The following ZMIZ1 variants were observed in gnomAD, a reference collection of about 807,000 sequenced individuals.
ZMIZ1 encodes the protein zinc finger MIZ domain-containing protein 1.
ZMIZ1 carries 17 observed loss-of-function variants against 113.9 expected under a neutral mutation model. That is an observed-to-expected ratio of 0.15 (90% CI 0.10 to 0.22). ZMIZ1 has a LOEUF of 0.22. Among genes scored for constraint, ZMIZ1 ranks in the 10% least tolerant of loss-of-function variants. The probability of loss-of-function intolerance (pLI) is 1.00; values close to 1 mark genes in which losing one functional copy is unlikely to be tolerated. For missense variants in ZMIZ1, 1,059 were observed against 1,477.8 expected (o/e 0.72, Z 4.65); for synonymous variants, 607 against 603.1 (o/e 1.01, Z -0.09).
intron 3 of ZMIZ1, among the ~76,000 whole-genome samples, chr10:79,150,238 C>T (rs758214952): frequency 6.6e-6 from 1 of 152,220 alleles, no homozygotes; most frequent in African/African-American, 2.4e-5. Context: ...AAGCCCTGCC[C>T]AGACACCACC....
At chr10:79,109,578 T>C (rs907788298) in intron 1 of ZMIZ1, among the ~76,000 whole-genome samples, 9 of 152,160 alleles carry the variant, frequency 5.9e-5, no homozygotes, top group Non-Finnish European at 1.3e-4. Flanking sequence ...TGGTGCCCAC[T>C]CCCAGGCCCC....
Position 79,216,226 on chromosome 10 carries a change from C to T in ZMIZ1, c.232C>T (p.Leu78=). 1 of 1,579,408 alleles carries T rather than the reference C, an allele frequency of 6.3e-7. No individual in the cohort carries two copies. The highest frequency in any genetic ancestry group is 8.6e-7 in the Non-Finnish European group (1 of 1,162,184). The part of the protein sequence containing the change: ...GFDLDLGYRL[L]AVCAANRDKF... ...TGACCTGGACCTCGGCTACAGACTG[C>T]TGGCTGTGTGTGCTGCAAACCGAGA... Residue 78 remains leucine (L), a synonymous_variant, in exon 7 of 25, where the codon CTG becomes TTG. Transcript: ENST00000334512.
chr10:79,249,119 G>A (rs1042462622), intron 7 of ZMIZ1, among the ~76,000 whole-genome samples: 2 of 152,228 alleles, frequency 1.3e-5, no homozygotes, highest in African/African-American at 4.8e-5. Flanking sequence ...GAAGGAAAAA[G>A]GAAGCCCAAG....
intron 7 of ZMIZ1, among the ~76,000 whole-genome samples, chr10:79,258,684 G>A (rs1851069790): frequency 6.6e-6 from 1 of 152,216 alleles, no homozygotes; most frequent in African/African-American, 2.4e-5. Context: ...ATAGCTTTCA[G>A]CACCAACATT....
intron 6 of ZMIZ1, among the ~76,000 whole-genome samples, chr10:79,215,302 C>CT (rs57758020): frequency 0.072 from 10,147 of 140,010 alleles, 1,049 homozygotes; most frequent in African/African-American, 0.23. Flanking sequence ...TAAATCACCG[C>CT]TTTTTTTTTT....
At chr10:79,146,787 A>C (rs1845504685) in intron 3 of ZMIZ1, among the ~76,000 whole-genome samples, 1 of 152,104 alleles carries the variant, frequency 6.6e-6, no homozygotes, top group Non-Finnish European at 1.5e-5. Context: ...CTTCCCACCC[A>C]GCAAACCCCT....
rs769973900 is a variant in ZMIZ1, at chr10:79,141,045, G to A, written c.-131+1268G>A. ...TAGCCCTGCCCTGAGAGGGTGTGGT[G>A]TGCAATGGAGTACGACTCAGATCCC... On this transcript the variant is annotated intron_variant, in intron 3 of 24. Coordinates refer to ENST00000334512, the MANE Select transcript of ZMIZ1 (RefSeq NM_020338.4). Among the ~76,000 whole-genome samples the A allele has an allele frequency of 6.0e-4, 91 of 152,196 alleles. 3 individuals carry two copies. The highest frequency in any genetic ancestry group is 1.0e-4 in the Non-Finnish European group (7 of 68,038).
chr10:79,085,186 T>G (rs1297034970), intron 1 of ZMIZ1, among the ~76,000 whole-genome samples: 1 of 152,152 alleles, frequency 6.6e-6, no homozygotes, highest in Non-Finnish European at 1.5e-5. Context: ...TCTCTCCACT[T>G]CATTGCTCAG....
rs371112487 is a variant in ZMIZ1 at position 79,310,798 on chromosome 10, G to C, written c.2836-126G>C. 15 of 1,084,408 alleles carry C rather than the reference G, an allele frequency of 1.4e-5. No homozygotes were observed. The South Asian group carries it at 1.6e-4, about 11-fold the overall frequency. The allele number at this position is 1,084,408 out of a possible 1,614,324, so 67.2% of individuals were successfully genotyped here. On this transcript the variant is annotated intron_variant, in intron 23 of 24. Transcript: ENST00000334512. ...CTGCCCAGAAACAACGTTCAGCCTC[G>C]TACCGGGTGGCCACGTTTCGGGGGT...
intron 4 of ZMIZ1, among the ~76,000 whole-genome samples, chr10:79,184,716 C>T (rs937866581): frequency 9.2e-5 from 14 of 152,146 alleles, no homozygotes; most frequent in African/African-American, 3.4e-4. Flanking sequence ...GCCGTGTGAG[C>T]GAGTGTGAAT....
chr10:79,112,108 T>C (rs1024570656), intron 1 of ZMIZ1, among the ~76,000 whole-genome samples: 3 of 152,168 alleles, frequency 2.0e-5, no homozygotes, highest in Non-Finnish European at 2.9e-5. Flanking sequence ...AACTCCCAAG[T>C]GAAGGACTCT....
chr10:79,256,997 T>C (rs1850951117), intron 7 of ZMIZ1, among the ~76,000 whole-genome samples: 1 of 152,236 alleles, frequency 6.6e-6, no homozygotes, highest in Admixed American at 6.5e-5. Context: ...TGAGTGCTTC[T>C]TCCTAGATGC....
At chr10:79,273,560 AT>A (rs1274997360) in intron 7 of ZMIZ1, among the ~76,000 whole-genome samples, 1 of 152,060 alleles carries the variant, frequency 6.6e-6, no homozygotes, top group Non-Finnish European at 1.5e-5. Flanking sequence ...ATTTCATTAT[AT>A]TGGCAAGGTT....
intron 23 of ZMIZ1, among the ~76,000 whole-genome samples, chr10:79,308,588 C>T (rs1191326222): frequency 2.0e-5 from 3 of 152,174 alleles, no homozygotes; most frequent in Admixed American, 1.3e-4. Flanking sequence ...CATGGAATTG[C>T]CTCAGGACTC....
chr10:79,099,568 A>G (rs1376959020), intron 1 of ZMIZ1, among the ~76,000 whole-genome samples: 4 of 152,200 alleles, frequency 2.6e-5, no homozygotes, highest in African/African-American at 4.8e-5. Flanking sequence ...CTCTGGGCCC[A>G]GGTCTGCCCC....
rs555912495 is a variant in ZMIZ1, at chr10:79,187,692, A to G, written c.-49-13892A>G. ...TCCACAGTGCAGTATGCATGCTGGC[A>G]TGCTTGGGACCCCCAGGCCAGGATC... On this transcript the variant is annotated intron_variant, in intron 4 of 24. Transcript: ENST00000334512. Among the ~76,000 whole-genome samples the G allele has an allele frequency of 3.9e-5, 6 of 152,320 alleles. No individual in the cohort carries two copies. In the East Asian group the frequency reaches 1.2e-3, roughly 29 times the overall value.
At position 79,235,405 on chromosome 10, in the gene ZMIZ1, T is replaced by A. The variant is rs1335402827; in HGVS notation, c.280+19131T>A. Among the ~76,000 whole-genome samples, 5 of 152,116 alleles carry A rather than the reference T, an allele frequency of 3.3e-5. No individual in the cohort carries two copies. The East Asian group carries it at 9.6e-4, about 29-fold the overall frequency. ...TGCTGCCCAGAGCACACCGAGGTGC[T>A]CGGGCTTGCTTCTCAACCACCTCTC... On this transcript the variant is annotated intron_variant, in intron 7 of 24. Transcript: ENST00000334512.
At position 79,307,536 on chromosome 10, in the gene ZMIZ1, C is replaced by T; in HGVS notation, c.2800C>T (p.Leu934Phe). The part of the protein sequence containing the change: ...PPDMPNNMAA[L>F]EKPLSHPMQE... ...GGACATGCCCAACAACATGGCCGCC[C>T]TCGAGAAACCCCTCAGCCACCCCAT... Residue 934 changes from leucine (L) to phenylalanine (F), a missense_variant, in exon 23 of 25, where the codon CTC becomes TTC. Around this residue, in one of 6 missense-constraint regions of ZMIZ1, gnomAD observed 225 missense variants for 276.0 expected, o/e 0.82. Transcript: ENST00000334512. 3.7e-6 allele frequency: 6 copies of T among 1,612,392 alleles called. No individual in the cohort carries two copies. Among genetic ancestry groups the T allele is most frequent in the Non-Finnish European group, 5.1e-6 (6 of 1,179,292 alleles).
At chr10:79,312,096 A>G (rs1308857146) in intron 24 of ZMIZ1, among the ~76,000 whole-genome samples, 2 of 152,206 alleles carry the variant, frequency 1.3e-5, no homozygotes, top group African/African-American at 2.4e-5. Flanking sequence ...GACTCCAAGG[A>G]TATCTCAGTA....
Sources: gnomAD v4.1 joint callset for allele counts (sites outside exome capture counted in the v4.1 genomes callset) on GRCh38, gnomAD v4.1.1 for gene constraint, gnomAD v4.1.1 regional missense constraint, MANE v1.5 for transcripts, NCBI Gene and HGNC (gene_info 2026-07-23, HGNC 2026-07-21) for gene names.